Variants in CPA6 observed in about 807,000 individuals in gnomAD.
The protein encoded by CPA6 is carboxypeptidase B.
In CPA6, 58 loss-of-function variants were observed where a neutral mutation model predicts 63.3. The observed-to-expected ratio is 0.92, with a 90% CI of 0.74 to 1.14. The LOEUF is 1.14. Ranked by LOEUF, CPA6 falls within the 50% of genes most tolerant of loss-of-function variation. The probability of loss-of-function intolerance (pLI) is 0.00; values close to 1 mark genes in which losing one functional copy is unlikely to be tolerated. For synonymous variants in CPA6, 185 were observed against 179.0 expected (o/e 1.03, Z -0.27); for missense variants, 565 against 526.6 (o/e 1.07, Z -0.71).
In CPA6 at chr8:67,557,822, T is replaced by A. The variant is rs115636889; in HGVS notation, c.193-39775A>T. 4.2e-3 allele frequency among the ~76,000 whole-genome samples: 644 copies of A among 152,304 alleles called. 3 individuals carry two copies. The highest frequency in any genetic ancestry group is 0.014 in the African/African-American group (600 of 41,568). ...GTTGTACTAAATTTTCAGGAGAAAC[T>A]AGCCTTCTAGTCAAAGTTACTGAGC... On this transcript the variant is annotated intron_variant, in intron 2 of 10. Coordinates refer to ENST00000297770, the MANE Select transcript of CPA6 (RefSeq NM_020361.5).
chr8:67,485,105 T>A (rs564627860), intron 6 of CPA6, among the ~76,000 whole-genome samples: 9 of 152,338 alleles, frequency 5.9e-5, no homozygotes, highest in Non-Finnish European at 1.3e-4. Context: ...TATAACCACC[T>A]GTTTTTAGAT....
chr8:67,452,984 T>C (rs1442656263), intron 8 of CPA6, among the ~76,000 whole-genome samples: 1 of 152,200 alleles, frequency 6.6e-6, no homozygotes, highest in African/African-American at 2.4e-5. Flanking sequence ...ATGTGAAGTT[T>C]ATAGGCTATA....
At chr8:67,540,458 G>A (rs987249975) in intron 2 of CPA6, among the ~76,000 whole-genome samples, 5 of 152,196 alleles carry the variant, frequency 3.3e-5, no homozygotes, top group Non-Finnish European at 7.3e-5. Flanking sequence ...GCTGGGAGGT[G>A]TCTTCCAGTC....
chr8:67,637,753 G>A lies in CPA6; in HGVS notation c.117-13502C>T, dbSNP rs182496741. On this transcript the variant is annotated intron_variant, in intron 1 of 10. Transcript: ENST00000297770. ...TACATAGAAAATATGTAGTAAAAAG[G>A]TTTAGCTGCAGTGATCAGAGAAAAA... Among the ~76,000 whole-genome samples the A allele has an allele frequency of 1.5e-3, 230 of 151,468 alleles. 9 individuals carry two copies. The highest frequency in any genetic ancestry group is 5.4e-3 in the African/African-American group (220 of 40,834).
At chr8:67,651,965 T>G (rs1181076842) in intron 1 of CPA6, among the ~76,000 whole-genome samples, 1 of 152,084 alleles carries the variant, frequency 6.6e-6, no homozygotes, top group Non-Finnish European at 1.5e-5. Flanking sequence ...ATTGTTCAAT[T>G]CCCACCTATG....
At chr8:67,521,195 G>A (rs1390711715) in intron 2 of CPA6, among the ~76,000 whole-genome samples, 1 of 152,252 alleles carries the variant, frequency 6.6e-6, no homozygotes, top group African/African-American at 2.4e-5. Context: ...ATACCTCTTT[G>A]TAGAGCCTTC....
intron 2 of CPA6, among the ~76,000 whole-genome samples, chr8:67,599,553 G>A (rs1814439032): frequency 6.6e-6 from 1 of 152,066 alleles, no homozygotes; most frequent in Non-Finnish European, 1.5e-5. Context: ...ATCAACTATT[G>A]TTTCAATGGC....
At chr8:67,738,332 C>T (rs1817852655) in intron 1 of CPA6, among the ~76,000 whole-genome samples, 1 of 152,212 alleles carries the variant, frequency 6.6e-6, no homozygotes, top group Non-Finnish European at 1.5e-5. Context: ...TTTCTTTCCA[C>T]TTTCCTGCTG....
At chr8:67,462,370 G>C (rs373625776) in intron 8 of CPA6, among the ~76,000 whole-genome samples, 19 of 152,254 alleles carry the variant, frequency 1.2e-4, no homozygotes, top group African/African-American at 4.3e-4. Flanking sequence ...GCTAAATATA[G>C]TATTTTACTA....
intron 2 of CPA6, among the ~76,000 whole-genome samples, chr8:67,547,389 A>G (rs945173758): frequency 2.6e-5 from 4 of 152,252 alleles, no homozygotes; most frequent in African/African-American, 9.6e-5. Flanking sequence ...CACTCTAAGC[A>G]TATTCCTGGT....
chr8:67,672,582 G>A (rs748090215), intron 1 of CPA6, among the ~76,000 whole-genome samples: 2 of 152,142 alleles, frequency 1.3e-5, no homozygotes, highest in Non-Finnish European at 2.9e-5. Flanking sequence ...GCACCCTAGG[G>A]TCTTCCAGAA....
At chr8:67,584,308 T>A (rs977834047) in intron 2 of CPA6, among the ~76,000 whole-genome samples, 1 of 152,126 alleles carries the variant, frequency 6.6e-6, no homozygotes, top group Non-Finnish European at 1.5e-5. Flanking sequence ...GAGGAGGAAG[T>A]GAGGGGCAAA....
chr8:67,535,071 A>G (rs1487280362), intron 2 of CPA6, among the ~76,000 whole-genome samples: 1 of 152,142 alleles, frequency 6.6e-6, no homozygotes, highest in Non-Finnish European at 1.5e-5. Context: ...ATAGTATTCC[A>G]TGGTGTATAT....
intron 1 of CPA6, among the ~76,000 whole-genome samples, chr8:67,701,030 T>G (rs1384722871): frequency 6.6e-6 from 1 of 152,134 alleles, no homozygotes; most frequent in Non-Finnish European, 1.5e-5. Context: ...TTACTACAGA[T>G]AGATACAATC....
At chr8:67,555,339 A>G (rs1450870544) in intron 2 of CPA6, among the ~76,000 whole-genome samples, 1 of 152,202 alleles carries the variant, frequency 6.6e-6, no homozygotes, top group Non-Finnish European at 1.5e-5. Context: ...TCGATGGCCA[A>G]TGATTTAATC....
At chr8:67,496,516 AGT>A (rs1491521847) in intron 6 of CPA6, among the ~76,000 whole-genome samples, 1 of 87,910 alleles carries the variant, frequency 1.1e-5, no homozygotes, top group African/African-American at 5.8e-5. Context: ...ACCACTATAT[AGT>A]TTATATATAT....
In CPA6 at chr8:67,634,221, T is replaced by TA. The variant is rs1246068845; in HGVS notation, c.117-9971_117-9970insT. On this transcript the variant is annotated intron_variant, in intron 1 of 10. Transcript: ENST00000297770. ...TTATTATTATTATTATTATTATTATTTATTTGTTTTTTTTTTGAGACGGAG... is the reference window on the plus strand; with the variant it reads ...TTATTATTATTATTATTATTATTATTATATTTGTTTTTTTTTTGAGACGGAG... Among the ~76,000 whole-genome samples the TA allele has an allele frequency of 4.8e-3, 676 of 140,646 alleles. 27 individuals are homozygous for TA. The highest frequency in any genetic ancestry group is 0.016 in the African/African-American group (590 of 36,298). The allele number at this position is 140,646 out of a possible 152,430, so 92.3% of individuals were successfully genotyped here.
At chr8:67,709,472 T>C (rs1817206790) in intron 1 of CPA6, among the ~76,000 whole-genome samples, 1 of 152,240 alleles carries the variant, frequency 6.6e-6, no homozygotes, top group East Asian at 1.9e-4. Flanking sequence ...CATACTCATA[T>C]GGTTTTGTCA....
At chr8:67,557,803 C>T (rs1813099752) in intron 2 of CPA6, among the ~76,000 whole-genome samples, 2 of 152,144 alleles carry the variant, frequency 1.3e-5, no homozygotes, top group Admixed American at 6.5e-5. Flanking sequence ...ACTAGTTGTA[C>T]TAAATTTTCA....
Sources: allele counts gnomAD v4.1 joint callset (sites outside exome capture counted in the v4.1 genomes callset), GRCh38; gene constraint gnomAD v4.1.1; transcripts MANE v1.5; gene names NCBI Gene and HGNC (gene_info 2026-07-23, HGNC 2026-07-21).